The following NEURL1 variants were observed in gnomAD, a reference collection of about 807,000 sequenced individuals.
NEURL1 encodes the protein E3 ubiquitin-protein ligase NEURL1.
In NEURL1, 26 loss-of-function variants were observed where a neutral mutation model predicts 41.2. The observed-to-expected ratio is 0.63, with a 90% CI of 0.46 to 0.87. The LOEUF (loss-of-function observed/expected upper bound fraction) is 0.87. NEURL1 is among the 40% of genes least tolerant of loss of function. The pLI is 0.00. For synonymous variants in NEURL1, 400 were observed against 402.3 expected (o/e 0.99, Z 0.07); for missense variants, 761 against 871.1 (o/e 0.87, Z 1.59).
intron 1 of NEURL1, among the ~76,000 whole-genome samples, chr10:103,517,948 G>A (rs370600186): frequency 1.3e-5 from 2 of 152,140 alleles, no homozygotes; most frequent in African/African-American, 4.8e-5. Context: ...CCTTTTCACC[G>A]ATCTTTGGCA....
intron 1 of NEURL1, 143 bp from the exon 2 acceptor site, chr10:103,570,729 G>A: frequency 7.4e-7 from 1 of 1,358,014 alleles, no homozygotes; most frequent in Non-Finnish European, 1.0e-6. Flanking sequence ...CAGAAGGATG[G>A]TGGCAAGGGG....
intron 3 of NEURL1, among the ~76,000 whole-genome samples, chr10:103,574,718 A>T (rs2035621149): frequency 6.6e-6 from 1 of 152,154 alleles, no homozygotes; most frequent in African/African-American, 2.4e-5. Context: ...CTTGGAGAAT[A>T]ATCTGAAGGG....
At chr10:103,521,640 T>C (rs1033792686) in intron 1 of NEURL1, among the ~76,000 whole-genome samples, 15 of 152,106 alleles carry the variant, frequency 9.9e-5, no homozygotes, top group Middle Eastern at 6.8e-3. Flanking sequence ...GAAATGATGA[T>C]AGAATAGAAT....
intron 1 of NEURL1, among the ~76,000 whole-genome samples, chr10:103,550,102 C>T (rs961715886): frequency 6.6e-6 from 1 of 152,232 alleles, no homozygotes; most frequent in South Asian, 2.1e-4. Context: ...GAGTTGCTGG[C>T]TCTGCCTTAG....
intron 1 of NEURL1, among the ~76,000 whole-genome samples, chr10:103,511,120 G>A (rs2034059487): frequency 6.6e-6 from 1 of 152,204 alleles, no homozygotes; most frequent in Non-Finnish European, 1.5e-5. Flanking sequence ...GTGAGTGGGG[G>A]ACATGCTTTC....
chr10:103,526,899 A>G (rs929994294), intron 1 of NEURL1, among the ~76,000 whole-genome samples: 9 of 150,388 alleles, frequency 6.0e-5, no homozygotes, highest in Non-Finnish European at 1.2e-4. Flanking sequence ...AATAGTCTCT[A>G]ATGATCCTTT....
At chr10:103,586,011 G>T (rs2035916769) in intron 4 of NEURL1, among the ~76,000 whole-genome samples, 1 of 151,792 alleles carries the variant, frequency 6.6e-6, no homozygotes. Context: ...TGGGGGACTC[G>T]GGGGAATCCC....
intron 1 of NEURL1, among the ~76,000 whole-genome samples, chr10:103,526,391 A>G (rs1449910699): frequency 2.0e-5 from 3 of 152,140 alleles, no homozygotes; most frequent in African/African-American, 7.2e-5. Context: ...TGGAAGACTT[A>G]TTATAGATTC....
chr10:103,517,590 G>A (rs958984903), intron 1 of NEURL1, among the ~76,000 whole-genome samples: 1 of 152,250 alleles, frequency 6.6e-6, no homozygotes, highest in African/African-American at 2.4e-5. Context: ...TCTCCTCTGA[G>A]TTGATAGGAC....
intron 3 of NEURL1, among the ~76,000 whole-genome samples, chr10:103,576,542 G>A (rs1014125535): frequency 1.3e-5 from 2 of 152,172 alleles, no homozygotes; most frequent in Non-Finnish European, 2.9e-5. Flanking sequence ...CTGGTTGACA[G>A]TGGAGAAGTA....
chr10:103,506,528 T>TTCC (rs979199457), intron 1 of NEURL1, among the ~76,000 whole-genome samples: 52 of 151,476 alleles, frequency 3.4e-4, no homozygotes, highest in Non-Finnish European at 6.0e-4. Context: ...TCCTCCCTTC[T>TTCC]TCCTCCTCCT....
chr10:103,554,560 C>T (rs2035105891), intron 1 of NEURL1, among the ~76,000 whole-genome samples: 1 of 152,262 alleles, frequency 6.6e-6, no homozygotes, highest in Admixed American at 6.5e-5. Flanking sequence ...TGCATTCCAG[C>T]CTTGCCACCT....
Position 103,545,469 on chromosome 10 carries a change from A to C in NEURL1, c.86-25403A>C, listed in dbSNP as rs192132529. Among the ~76,000 whole-genome samples, 1 of 152,166 alleles carries C rather than the reference A, an allele frequency of 6.6e-6. No individual in the cohort carries two copies. Among genetic ancestry groups the C allele is most frequent in the Non-Finnish European group, 1.5e-5 (1 of 68,008 alleles). ...GGGGACAGAGTTCCTTCCTGGACTC[A>C]GTGGGGATGAGAGCCACTGGCCTTT... On this transcript the variant is annotated intron_variant, in intron 1 of 5. Transcript: ENST00000369780. This position sits in a 1 kb window ranked among gnomAD's most constrained non-coding sequence, Gnocchi z 4.5.
chr10:103,502,047 G>T (rs750586645), intron 1 of NEURL1, among the ~76,000 whole-genome samples: 1 of 152,154 alleles, frequency 6.6e-6, no homozygotes, highest in Admixed American at 6.5e-5. Context: ...GACTGCAGGC[G>T]CACACCACTG....
At chr10:103,582,535 G>A (rs183621481) in intron 3 of NEURL1, among the ~76,000 whole-genome samples, 1 of 152,232 alleles carries the variant, frequency 6.6e-6, no homozygotes, top group Non-Finnish European at 1.5e-5. Flanking sequence ...AGGAGGCTTG[G>A]GGGGAAGGGC....
rs554336799 is a variant in NEURL1 at position 103,590,020 on chromosome 10, C to A, written c.1487-114C>A. 48 of 1,087,366 alleles carry A rather than the reference C, an allele frequency of 4.4e-5. No individual in the cohort carries two copies. The East Asian group carries it at 1.1e-3, about 24-fold the overall frequency. 67.4% of individuals were successfully genotyped at this position (1,087,366 alleles called of 1,614,324 possible). ...CTGGAAGTTGGGTTGTCAGGGTGAA[C>A]AGGCAGATCCTGATAAATGGAGGGG... On this transcript the variant is annotated intron_variant, in intron 5 of 5. Transcript: ENST00000369780.
At chr10:103,555,365 T>C (rs1409187024) in intron 1 of NEURL1, 1 of 1,354,950 alleles carries the variant, frequency 7.4e-7, no homozygotes, top group Admixed American at 1.9e-5. Context: ...GTGGCTGCAC[T>C]GCCCGTCGCC....
intron 3 of NEURL1, among the ~76,000 whole-genome samples, chr10:103,583,428 G>A (rs1411776234): frequency 6.6e-6 from 1 of 152,008 alleles, no homozygotes; most frequent in Non-Finnish European, 1.5e-5. Context: ...ACTAAAAAAA[G>A]TAACCAGCTG....
chr10:103,529,077 T>C (rs887427626), intron 1 of NEURL1, among the ~76,000 whole-genome samples: 3 of 152,236 alleles, frequency 2.0e-5, no homozygotes, highest in Non-Finnish European at 2.9e-5. Flanking sequence ...TAGACTCTAA[T>C]AACAGGTGTA....
Sources: gnomAD v4.1 joint callset for allele counts (sites outside exome capture counted in the v4.1 genomes callset) on GRCh38, gnomAD v4.1.1 for gene constraint, Gnocchi (gnomAD v3.1) non-coding constraint, MANE v1.5 for transcripts, NCBI Gene and HGNC (gene_info 2026-07-23, HGNC 2026-07-21) for gene names.